The following ZC3H12B variants were observed in gnomAD, a reference collection of about 807,000 sequenced individuals.
The protein encoded by ZC3H12B is probable ribonuclease ZC3H12B.
In ZC3H12B, 7 loss-of-function variants were observed where a neutral mutation model predicts 43.9. The observed-to-expected ratio is 0.16, with a 90% CI of 0.09 to 0.30. The LOEUF (loss-of-function observed/expected upper bound fraction) is 0.30, where lower values mean the gene tolerates loss of function less well. Ranked by LOEUF, ZC3H12B falls within the 10% of genes least tolerant of loss-of-function variation. The probability of loss-of-function intolerance (pLI) is 1.00; values close to 1 mark genes in which losing one functional copy is unlikely to be tolerated. For missense variants in ZC3H12B, 475 were observed against 670.2 expected, an observed-to-expected ratio of 0.71 and a Z score of 3.22; for synonymous variants, 222 against 241.7, an observed-to-expected ratio of 0.92 and a Z score of 0.76.
At chrX:65,243,832 G>T in the ZC3H12B span, among the ~76,000 whole-genome samples, 1 of 111,461 alleles carries the variant, frequency 9.0e-6, no homozygotes, top group African/African-American at 3.3e-5. Context: ...AACATGGATG[G>T]AATTAGAGGA....
At chrX:65,154,612 G>C in the ZC3H12B span, among the ~76,000 whole-genome samples, 2 of 112,228 alleles carry the variant, frequency 1.8e-5, no homozygotes, top group East Asian at 5.6e-4. Flanking sequence ...CATTTGGGAG[G>C]CAAAGGCTGG....
intron 2 of ZC3H12B, among the ~76,000 whole-genome samples, chrX:65,370,414 C>A (rs1016729459): frequency 9.0e-6 from 1 of 110,977 alleles, no homozygotes; most frequent in African/African-American, 3.3e-5. Flanking sequence ...ATAATCCTTA[C>A]CTCATATATT....
At chrX:65,154,659 G>A in the ZC3H12B span, among the ~76,000 whole-genome samples, 1 of 111,468 alleles carries the variant, frequency 9.0e-6, no homozygotes, top group Non-Finnish European at 1.9e-5. Context: ...GACCAGCCTG[G>A]GCAATGATGT....
the ZC3H12B span, among the ~76,000 whole-genome samples, chrX:65,189,529 G>T: frequency 9.2e-6 from 1 of 108,901 alleles, no homozygotes; most frequent in Non-Finnish European, 1.9e-5. Context: ...GTTTTGATTT[G>T]CATTTCTCTG....
the ZC3H12B span, among the ~76,000 whole-genome samples, chrX:65,320,016 C>T: frequency 1.8e-5 from 2 of 111,351 alleles, no homozygotes; most frequent in African/African-American, 6.5e-5. Context: ...TCTCTCACCA[C>T]TCCTATTAAA....
At chrX:65,253,069 T>G in the ZC3H12B span, among the ~76,000 whole-genome samples, 1 of 111,867 alleles carries the variant, frequency 8.9e-6, no homozygotes, top group East Asian at 2.8e-4. Context: ...TCCCCTCACA[T>G]AAAAGTAAAA....
At chrX:65,233,409 A>G in the ZC3H12B span, among the ~76,000 whole-genome samples, 1 of 111,622 alleles carries the variant, frequency 9.0e-6, no homozygotes, top group African/African-American at 3.2e-5. Flanking sequence ...TTTTGTGACT[A>G]CAATGGAATA....
chrX:65,239,181 C>A, the ZC3H12B span, among the ~76,000 whole-genome samples: 1 of 110,546 alleles, frequency 9.0e-6, no homozygotes. Flanking sequence ...GTGTTTAAGT[C>A]TCTCATTATT....
At chrX:65,131,196 T>C in the ZC3H12B span, among the ~76,000 whole-genome samples, 1 of 111,533 alleles carries the variant, frequency 9.0e-6, no homozygotes, top group East Asian at 2.8e-4. Context: ...GTAGCCTCAA[T>C]GATAGATATG....
the ZC3H12B span, among the ~76,000 whole-genome samples, chrX:65,093,498 CA>C: frequency 2.3e-3 from 258 of 112,324 alleles, 2 homozygotes; most frequent in African/African-American, 7.8e-3. Flanking sequence ...TGCAAAGCCA[CA>C]GGGGCAGGGC....
intron 3 of ZC3H12B, among the ~76,000 whole-genome samples, chrX:65,472,829 T>TATAA (rs1224955601): frequency 1.3e-5 from 1 of 74,153 alleles, no homozygotes; most frequent in Non-Finnish European, 2.2e-5. Context: ...ACCTTTGATA[T>TATAA]ATATATATAT....
Position 65,399,969 on chromosome X carries a change from T to A in ZC3H12B, n.407+1265T>A, listed in dbSNP as rs908262542. Among the ~76,000 whole-genome samples, 3 of 110,674 alleles carry A rather than the reference T, an allele frequency of 2.7e-5. No individual in the cohort carries two copies. In the Admixed American group the frequency reaches 2.9e-4, roughly 11 times the overall value. On this transcript the variant is annotated intron_variant and non_coding_transcript_variant, in intron 3 of 5. Transcript: ENST00000617377. ...CATTTTCTCACTTATTTGTGGGATCTAAAAATAAAAACAAAAGAACCCATG... is the reference window on the plus strand; with the variant it reads ...CATTTTCTCACTTATTTGTGGGATCAAAAAATAAAAACAAAAGAACCCATG...
At chrX:65,207,655 T>C in the ZC3H12B span, among the ~76,000 whole-genome samples, 8 of 103,652 alleles carry the variant, frequency 7.7e-5, no homozygotes, top group East Asian at 2.4e-3. Context: ...GACTTGGCAA[T>C]GCGGGCTCTT....
the ZC3H12B span, among the ~76,000 whole-genome samples, chrX:65,158,494 G>C: frequency 1.8e-5 from 2 of 111,973 alleles, no homozygotes; most frequent in African/African-American, 6.5e-5. Flanking sequence ...TGTCATTGTG[G>C]TTTTGATTTG....
chrX:65,503,445 A>C, exon 5 of ZC3H12B: 1 of 320,546 alleles, frequency 3.1e-6, no homozygotes, highest in Non-Finnish European at 5.4e-6. Context: ...CTAGCAAATG[A>C]CTAAGTCAAG....
chrX:65,306,094 A>T, the ZC3H12B span, among the ~76,000 whole-genome samples: 1 of 112,481 alleles, frequency 8.9e-6, no homozygotes, highest in Non-Finnish European at 1.9e-5. Context: ...ATGTCTACAG[A>T]TGTAGCATAA....
intron 2 of ZC3H12B, among the ~76,000 whole-genome samples, chrX:65,387,067 T>C (rs1156645066): frequency 8.9e-6 from 1 of 111,908 alleles, no homozygotes; most frequent in Non-Finnish European, 1.9e-5. Flanking sequence ...TACTTCCAAC[T>C]ATGTGGTCAA....
At chrX:65,276,561 A>G in the ZC3H12B span, among the ~76,000 whole-genome samples, 1 of 111,880 alleles carries the variant, frequency 8.9e-6, no homozygotes, top group Admixed American at 9.5e-5. Context: ...GTCTGGCAGA[A>G]AAAAAAACTA....
chrX:65,283,480 C>G, the ZC3H12B span, among the ~76,000 whole-genome samples: 1 of 111,261 alleles, frequency 9.0e-6, no homozygotes, highest in South Asian at 3.7e-4. Flanking sequence ...CCAGGGCAAT[C>G]AGGCAAGAGA....
Sources: gnomAD v4.1 joint callset for allele counts (sites outside exome capture counted in the v4.1 genomes callset) on GRCh38, gnomAD v4.1.1 for gene constraint, MANE v1.5 for transcripts, NCBI Gene and HGNC (gene_info 2026-07-23, HGNC 2026-07-21) for gene names.